RBMS3: variants seen among roughly 807,000 people sequenced by gnomAD.
RBMS3 encodes RNA-binding motif, single-stranded-interacting protein 3.
Under a neutral mutation model 66.8 loss-of-function variants are expected in RBMS3, and 27 were observed. That is an observed-to-expected ratio of 0.40 (90% confidence interval 0.30 to 0.56). The LOEUF (loss-of-function observed/expected upper bound fraction) is 0.56. Among genes scored for constraint, RBMS3 ranks in the 20% least tolerant of loss-of-function variants. RBMS3 has a pLI of 0.40. For synonymous variants in RBMS3, 188 were observed against 183.0 expected (o/e 1.03, Z -0.22); for missense variants, 513 against 549.5 (o/e 0.93, Z 0.66).
chr3:29,559,542 A>T (rs1412104031), intron 3 of RBMS3, among the ~76,000 whole-genome samples: 1 of 141,568 alleles, frequency 7.1e-6, no homozygotes. Flanking sequence ...AAAAAAAAAA[A>T]AAAAAAAAAA....
At chr3:29,838,290 G>A (rs1347996873) in intron 6 of RBMS3, among the ~76,000 whole-genome samples, 2 of 151,794 alleles carry the variant, frequency 1.3e-5, no homozygotes, top group Non-Finnish European at 2.9e-5. Flanking sequence ...AGTGAGACAT[G>A]AGTGTGCCAT....
chr3:29,378,322 A>G (rs768396510), intron 1 of RBMS3, among the ~76,000 whole-genome samples: 2 of 152,078 alleles, frequency 1.3e-5, no homozygotes, highest in Admixed American at 1.3e-4. Flanking sequence ...AATACAAAAA[A>G]TTAGCCGGGG....
intron 4 of RBMS3, among the ~76,000 whole-genome samples, chr3:29,726,863 T>C (rs994046396): frequency 3.3e-5 from 5 of 152,172 alleles, no homozygotes; most frequent in African/African-American, 1.2e-4. Flanking sequence ...AGAAAAAAAG[T>C]ACTTTAAATT....
intron 10 of RBMS3, among the ~76,000 whole-genome samples, chr3:29,907,358 T>C (rs2060405572): frequency 6.6e-6 from 1 of 152,138 alleles, no homozygotes; most frequent in Non-Finnish European, 1.5e-5. Flanking sequence ...TCATAATTCA[T>C]TTTCTGGCCA....
At chr3:29,554,482 T>A (rs187604382) in intron 3 of RBMS3, among the ~76,000 whole-genome samples, 11 of 152,282 alleles carry the variant, frequency 7.2e-5, no homozygotes, top group Admixed American at 3.9e-4. Flanking sequence ...GAAGTACTTA[T>A]GAATGAAAAT....
At chr3:29,796,128 T>C (rs1474769334) in intron 6 of RBMS3, among the ~76,000 whole-genome samples, 2 of 152,232 alleles carry the variant, frequency 1.3e-5, no homozygotes, top group African/African-American at 2.4e-5. Context: ...GTAAAAGCTA[T>C]GTGTACACCA....
At chr3:29,296,509 A>G (rs2033273308) in intron 1 of RBMS3, among the ~76,000 whole-genome samples, 1 of 151,774 alleles carries the variant, frequency 6.6e-6, no homozygotes, top group African/African-American at 2.4e-5. Context: ...CCTAGGTTAA[A>G]TCTATTGTTA....
At chr3:29,828,657 T>C (rs891552470) in intron 6 of RBMS3, among the ~76,000 whole-genome samples, 11 of 152,168 alleles carry the variant, frequency 7.2e-5, no homozygotes, top group African/African-American at 2.7e-4. Flanking sequence ...AATTTCACAT[T>C]TCTCTAGATG....
intron 2 of RBMS3, among the ~76,000 whole-genome samples, chr3:29,436,667 A>G (rs1040443842): frequency 6.6e-6 from 1 of 152,226 alleles, no homozygotes; most frequent in African/African-American, 2.4e-5. Context: ...ATTGTTCTTA[A>G]TTTATATTTG....
intron 1 of RBMS3, among the ~76,000 whole-genome samples, chr3:29,386,399 G>A (rs748240818): frequency 9.9e-5 from 15 of 151,926 alleles, no homozygotes; most frequent in Non-Finnish European, 1.5e-4. Flanking sequence ...AGAATCAATG[G>A]AAAGAGAACT....
intron 4 of RBMS3, among the ~76,000 whole-genome samples, chr3:29,597,784 T>C (rs532522453): frequency 1.2e-3 from 185 of 152,236 alleles, no homozygotes; most frequent in Non-Finnish European, 2.0e-3. Context: ...ATATCATACC[T>C]TTCTATAAAG....
intron 4 of RBMS3, among the ~76,000 whole-genome samples, chr3:29,690,979 T>C (rs2051978378): frequency 6.6e-6 from 1 of 152,226 alleles, no homozygotes; most frequent in South Asian, 2.1e-4. Context: ...AGAGGGTTTT[T>C]ATATTCTTTG....
At chr3:29,528,145 C>T (rs972824791) in intron 3 of RBMS3, among the ~76,000 whole-genome samples, 5 of 134,112 alleles carry the variant, frequency 3.7e-5, no homozygotes, top group African/African-American at 1.4e-4. Context: ...TATGGTCTCT[C>T]TCTGTCACCC....
At chr3:29,533,530 T>G (rs1461944298) in intron 3 of RBMS3, among the ~76,000 whole-genome samples, 7 of 151,930 alleles carry the variant, frequency 4.6e-5, no homozygotes, top group African/African-American at 1.7e-4. Context: ...TAAATCCCAG[T>G]GCTTTGGGAG....
At chr3:29,926,984 C>A (rs1314776641) in intron 10 of RBMS3, 1 of 152,170 alleles carries the variant, frequency 6.6e-6, no homozygotes, top group African/African-American at 2.4e-5. Flanking sequence ...TGTGGCAGTA[C>A]ACATTGGCTG....
intron 11 of RBMS3, 113 bp downstream of exon 11, chr3:29,936,309 C>A (rs1488986533): frequency 3.0e-6 from 3 of 993,704 alleles, no homozygotes; most frequent in Non-Finnish European, 4.6e-6. Context: ...CGTTGACTAA[C>A]ACATCTTTCA....
In RBMS3 at chr3:29,457,699, G is replaced by A. The variant is rs73044620; in HGVS notation, c.248+22784G>A. ...ATCTTGCCCCTGCACTCCACCCTGGGTGACAGAGTGAGATCAGTAACAACA... is the reference window on the plus strand; with the variant it reads ...ATCTTGCCCCTGCACTCCACCCTGGATGACAGAGTGAGATCAGTAACAACA... On this transcript the variant is annotated intron_variant, in intron 2 of 14. Coordinates refer to ENST00000383767, the MANE Select transcript of RBMS3 (RefSeq NM_001003793.3). Among the ~76,000 whole-genome samples, 751 of 152,270 alleles carry A rather than the reference G, an allele frequency of 4.9e-3. 2 individuals are homozygous for A. The highest frequency in any genetic ancestry group is 8.0e-3 in the Admixed American group (123 of 15,292).
intron 6 of RBMS3, among the ~76,000 whole-genome samples, chr3:29,783,529 A>G (rs923477063): frequency 3.3e-4 from 51 of 152,294 alleles, no homozygotes; most frequent in African/African-American, 1.2e-3. Flanking sequence ...CAGCACTACA[A>G]TAACTGTTAA....
chr3:29,409,667 T>C (rs2040183289), intron 1 of RBMS3, among the ~76,000 whole-genome samples: 1 of 152,212 alleles, frequency 6.6e-6, no homozygotes, highest in Non-Finnish European at 1.5e-5. Flanking sequence ...ATCATACTCG[T>C]GACTATCTTT....
Sources: allele counts gnomAD v4.1 joint callset (sites outside exome capture counted in the v4.1 genomes callset), GRCh38; gene constraint gnomAD v4.1.1; transcripts MANE v1.5; gene names NCBI Gene and HGNC (gene_info 2026-07-23, HGNC 2026-07-21).